Variants in XRRA1 observed in about 807,000 individuals in gnomAD.
XRRA1 encodes the protein X-ray radiation resistance-associated protein 1.
A neutral mutation model predicts 80.2 loss-of-function variants in XRRA1; 69 were observed. The ratio of observed to expected loss-of-function variants is 0.86; its 90% confidence interval spans 0.71 to 1.05. The LOEUF (loss-of-function observed/expected upper bound fraction) is 1.05. Ranked by LOEUF, XRRA1 falls within the 50% of genes least tolerant of loss-of-function variation. The probability of loss-of-function intolerance (pLI) is 0.00; values close to 1 mark genes in which losing one functional copy is unlikely to be tolerated. For missense variants in XRRA1, 967 were observed against 976.4 expected (o/e 0.99, Z 0.13); for synonymous variants, 348 against 389.9 (o/e 0.89, Z 1.27).
intron 10 of XRRA1, among the ~76,000 whole-genome samples, chr11:74,884,832 G>T (rs1418677424): frequency 1.3e-5 from 2 of 152,104 alleles, no homozygotes; most frequent in East Asian, 3.8e-4. Flanking sequence ...AAGTTAGAAA[G>T]ATCTCAAATT....
At chr11:74,931,356 G>A (rs1034203115) in intron 5 of XRRA1, among the ~76,000 whole-genome samples, 1 of 147,864 alleles carries the variant, frequency 6.8e-6, no homozygotes, top group South Asian at 2.1e-4. Flanking sequence ...ACAAAGTCTC[G>A]CTCTGTCACT....
Position 74,848,274 on chromosome 11 carries a change from C to T in XRRA1, c.1569G>A (p.Pro523=), listed in dbSNP as rs368615662. 5.6e-5 allele frequency: 91 copies of T among 1,613,830 alleles called. No homozygotes were observed. Among genetic ancestry groups the T allele is most frequent in the African/African-American group, 4.8e-4 (36 of 75,002 alleles). The change falls in exon 15 of 19, where the codon CCG becomes CCA. Residue 523 remains proline, a synonymous_variant. Coordinates refer to ENST00000684022, the MANE Select transcript of XRRA1 (RefSeq NM_001378157.1). The part of the protein sequence containing the change: ...MPTENLEGHS[P]SCRTFVPLPP... The stretch of plus-strand genomic sequence containing the variant: ...GCAGTGGCACGAAGGTCCGGCAAGA[C>T]GGGGAATGGCCTTCCAGGTTCTCAG...
chr11:74,944,342 T>C (rs1218566594), intron 2 of XRRA1, among the ~76,000 whole-genome samples: 2 of 152,168 alleles, frequency 1.3e-5, no homozygotes, highest in African/African-American at 4.8e-5. Context: ...GACATATATA[T>C]CTGCTACACA....
At chr11:74,926,953 G>A (rs1942383454) in intron 7 of XRRA1, among the ~76,000 whole-genome samples, 2 of 151,016 alleles carry the variant, frequency 1.3e-5, no homozygotes, top group African/African-American at 2.4e-5. Context: ...TGAGTCTCTG[G>A]AATCAGTCTA....
At chr11:74,893,000 A>C (rs1463243274) in intron 10 of XRRA1, among the ~76,000 whole-genome samples, 1 of 152,346 alleles carries the variant, frequency 6.6e-6, no homozygotes, top group African/African-American at 2.4e-5. Context: ...CAGTGTGGCA[A>C]TTCCTCAGGG....
chr11:74,941,956 T>A (rs1946412605), intron 2 of XRRA1, among the ~76,000 whole-genome samples: 1 of 151,436 alleles, frequency 6.6e-6, no homozygotes, highest in Non-Finnish European at 1.5e-5. Flanking sequence ...TGCAAAAAAT[T>A]AAAAAAAATT....
chr11:74,859,318 C>G (rs138275121), intron 11 of XRRA1, 35 bp from the exon 12 acceptor site: 1 of 1,579,732 alleles, frequency 6.3e-7, no homozygotes. Flanking sequence ...TCAAAGTGCC[C>G]GATAATAAAT....
intron 7 of XRRA1, among the ~76,000 whole-genome samples, chr11:74,926,086 G>A (rs1942159118): frequency 1.3e-5 from 2 of 152,176 alleles, no homozygotes; most frequent in African/African-American, 4.8e-5. Context: ...ACTTTCAAGA[G>A]CTTTGCTTCC....
chr11:74,933,483 C>T (rs1320293280), intron 5 of XRRA1: 2 of 195,040 alleles, frequency 1.0e-5, no homozygotes, highest in East Asian at 2.4e-4. Flanking sequence ...GTCTTGAGCT[C>T]CTGACCTTGT....
At chr11:74,902,449 G>A (rs371000482) in intron 10 of XRRA1, among the ~76,000 whole-genome samples, 3 of 152,282 alleles carry the variant, frequency 2.0e-5, no homozygotes, top group African/African-American at 7.2e-5. Flanking sequence ...CGGTATATCA[G>A]AGAGATATCT....
At chr11:74,923,690 A>T (rs1031221636) in intron 7 of XRRA1, among the ~76,000 whole-genome samples, 2 of 152,150 alleles carry the variant, frequency 1.3e-5, no homozygotes, top group African/African-American at 4.8e-5. Context: ...GGTTCTCCCC[A>T]GTCTCTTTTC....
At chr11:74,889,566 G>A (rs1384741752) in intron 10 of XRRA1, among the ~76,000 whole-genome samples, 7 of 152,120 alleles carry the variant, frequency 4.6e-5, no homozygotes, top group African/African-American at 1.4e-4. Flanking sequence ...TTAACCTTAA[G>A]TGTCAATGGG....
intron 8 of XRRA1, among the ~76,000 whole-genome samples, chr11:74,916,029 A>G (rs1938557606): frequency 6.6e-6 from 1 of 152,112 alleles, no homozygotes; most frequent in South Asian, 2.1e-4. Context: ...TTCTGACAAG[A>G]AGTCTGCTGA....
chr11:74,853,334 C>G (rs888460494), intron 12 of XRRA1, among the ~76,000 whole-genome samples: 9 of 152,266 alleles, frequency 5.9e-5, no homozygotes, highest in African/African-American at 2.2e-4. Context: ...TAACCAAAAC[C>G]ATTTCTCTAC....
chr11:74,862,088 GCT>G (rs1483626706), intron 11 of XRRA1, among the ~76,000 whole-genome samples: 1 of 152,158 alleles, frequency 6.6e-6, no homozygotes, highest in African/African-American at 2.4e-5. Context: ...ATTCGCCCTT[GCT>G]CTCTTGAAAC....
chr11:74,892,999 A>C (rs373130869), intron 10 of XRRA1, among the ~76,000 whole-genome samples: 1 of 152,158 alleles, frequency 6.6e-6, no homozygotes, highest in Non-Finnish European at 1.5e-5. Flanking sequence ...TCAGTGTGGC[A>C]ATTCCTCAGG....
chr11:74,899,121 T>C (rs1273030826), intron 10 of XRRA1, among the ~76,000 whole-genome samples: 2 of 152,130 alleles, frequency 1.3e-5, no homozygotes, highest in African/African-American at 2.4e-5. Flanking sequence ...TTGGAAACTA[T>C]ACAAACACAT....
At chr11:74,861,964 C>T (rs971213728) in intron 11 of XRRA1, among the ~76,000 whole-genome samples, 3 of 152,132 alleles carry the variant, frequency 2.0e-5, no homozygotes, top group African/African-American at 4.8e-5. Context: ...GTGGAGTCTG[C>T]GCAAACTCAG....
intron 7 of XRRA1, among the ~76,000 whole-genome samples, chr11:74,925,290 G>A (rs1476676703): frequency 1.3e-5 from 2 of 152,192 alleles, no homozygotes; most frequent in Non-Finnish European, 1.5e-5. Context: ...TGTAATCCGA[G>A]AATCAAACCA....
Sources: gnomAD v4.1 joint callset for allele counts (sites outside exome capture counted in the v4.1 genomes callset) on GRCh38, gnomAD v4.1.1 for gene constraint, MANE v1.5 for transcripts, NCBI Gene and HGNC (gene_info 2026-07-23, HGNC 2026-07-21) for gene names.